The following SYCP1 variants were observed in gnomAD, a reference collection of about 807,000 sequenced individuals.
SYCP1 encodes the protein cancer/testis antigen 8.
In SYCP1, 64 loss-of-function variants were observed where a neutral mutation model predicts 153.1. That is an observed-to-expected ratio of 0.42 (90% confidence interval 0.34 to 0.51). SYCP1 has a LOEUF of 0.51. Among genes scored for constraint, SYCP1 ranks in the 20% least tolerant of loss-of-function variants. The probability of loss-of-function intolerance (pLI) is 0.06; values close to 1 mark genes in which losing one functional copy is unlikely to be tolerated. For missense variants in SYCP1, 997 were observed against 1,049.0 expected, an observed-to-expected ratio of 0.95 and a Z score of 0.68; for synonymous variants, 384 against 341.8, an observed-to-expected ratio of 1.12 and a Z score of -1.36.
At chr1:114,893,082 T>C (rs1666832203) in intron 15 of SYCP1, among the ~76,000 whole-genome samples, 1 of 152,234 alleles carries the variant, frequency 6.6e-6, no homozygotes, top group East Asian at 1.9e-4. Flanking sequence ...GTGTTCTTTC[T>C]TAGAGGATCT....
At chr1:114,937,273 T>G (rs1374251612) in intron 23 of SYCP1, among the ~76,000 whole-genome samples, 1 of 152,094 alleles carries the variant, frequency 6.6e-6, no homozygotes, top group Non-Finnish European at 1.5e-5. Flanking sequence ...TTGACAAACC[T>G]GACAAAAACA....
chr1:114,914,558 A>G (rs1189659481), intron 20 of SYCP1, among the ~76,000 whole-genome samples: 2 of 152,166 alleles, frequency 1.3e-5, no homozygotes, highest in Non-Finnish European at 2.9e-5. Context: ...GATTGCCACT[A>G]TTACCAGAAC....
intron 12 of SYCP1, 99 bp from the exon 13 acceptor site, chr1:114,885,436 A>G (rs1412138561): frequency 1.5e-6 from 1 of 659,566 alleles, no homozygotes; most frequent in Non-Finnish European, 2.6e-6. Context: ...TTGGACTATT[A>G]TCTAACGGAG....
intron 27 of SYCP1, among the ~76,000 whole-genome samples, chr1:114,948,541 T>G (rs960865291): frequency 6.6e-6 from 1 of 152,202 alleles, no homozygotes; most frequent in South Asian, 2.1e-4. Context: ...CATCCTTTTC[T>G]ATCTTGGAAA....
intron 27 of SYCP1, among the ~76,000 whole-genome samples, chr1:114,962,878 T>A (rs1429859117): frequency 6.6e-6 from 1 of 152,232 alleles, no homozygotes; most frequent in Non-Finnish European, 1.5e-5. Flanking sequence ...TGGCGAATTC[T>A]CTCAGCATTT....
chr1:114,938,574 ATAAG>A (rs1222869428), intron 23 of SYCP1, among the ~76,000 whole-genome samples: 2 of 152,216 alleles, frequency 1.3e-5, no homozygotes, highest in African/African-American at 2.4e-5. Flanking sequence ...TCAAAAATAA[ATAAG>A]TAAATACATA....
chr1:114,893,899 C>T, intron 15 of SYCP1, among the ~76,000 whole-genome samples: 1 of 151,338 alleles, frequency 6.6e-6, no homozygotes, highest in Admixed American at 6.6e-5. Flanking sequence ...CTGAGGTGGG[C>T]TTTGTGGTGA....
chr1:114,951,076 A>G lies in SYCP1; in HGVS notation c.2322+3756A>G, dbSNP rs1194059478. 1.2e-4 allele frequency among the ~76,000 whole-genome samples: 18 copies of G among 152,230 alleles called. No individual in the cohort carries two copies. In the East Asian group the frequency reaches 3.1e-3, roughly 26 times the overall value. ...CCTGACCTTGTGATCCGCCCGCCTC[A>G]GCCCCCCAAAGTGCTGGGATTACAG... On this transcript the variant is annotated intron_variant, in intron 27 of 31. Coordinates refer to ENST00000369522, the MANE Select transcript of SYCP1 (RefSeq NM_003176.4).
intron 16 of SYCP1, among the ~76,000 whole-genome samples, chr1:114,907,582 CTTTT>C (rs542034470): frequency 7.4e-6 from 1 of 134,286 alleles, no homozygotes. Flanking sequence ...AATGTTGAAA[CTTTT>C]TTTTTTTTTT....
At chr1:114,951,867 A>G (rs2101848969) in intron 27 of SYCP1, among the ~76,000 whole-genome samples, 1 of 152,288 alleles carries the variant, frequency 6.6e-6, no homozygotes, top group South Asian at 2.1e-4. Context: ...CATTTCGAGA[A>G]TGTTATCTAG....
At chr1:114,894,240 T>C (rs1666915137) in intron 15 of SYCP1, among the ~76,000 whole-genome samples, 1 of 152,092 alleles carries the variant, frequency 6.6e-6, no homozygotes, top group Non-Finnish European at 1.5e-5. Context: ...TATATTGACA[T>C]TTTATATTTT....
chr1:114,891,443 A>G (rs1027352612), intron 15 of SYCP1, among the ~76,000 whole-genome samples: 1 of 152,226 alleles, frequency 6.6e-6, no homozygotes, highest in Non-Finnish European at 1.5e-5. Flanking sequence ...GAGGCATCTC[A>G]TTGCCTAAGT....
chr1:114,914,093 A>C, intron 20 of SYCP1, 48 bp downstream of exon 20: 1 of 1,402,978 alleles, frequency 7.1e-7, no homozygotes, highest in Non-Finnish European at 9.7e-7. Flanking sequence ...AGATTTTGAT[A>C]TTTCTTTTCT....
chr1:114,921,446 A>G (rs1668868404), intron 20 of SYCP1, among the ~76,000 whole-genome samples: 1 of 151,962 alleles, frequency 6.6e-6, no homozygotes, highest in South Asian at 2.1e-4. Flanking sequence ...TGGGAGGCTG[A>G]GGGGGGCAGA....
intron 16 of SYCP1, among the ~76,000 whole-genome samples, chr1:114,908,366 G>A (rs1246772445): frequency 1.3e-5 from 2 of 152,028 alleles, no homozygotes; most frequent in Admixed American, 6.6e-5. Flanking sequence ...TTATATTTGA[G>A]ATTCACTGCA....
chr1:114,912,199 T>A (rs1362318787), intron 18 of SYCP1, among the ~76,000 whole-genome samples: 1 of 151,954 alleles, frequency 6.6e-6, no homozygotes, highest in African/African-American at 2.4e-5. Context: ...ACCTTTTCAA[T>A]AGTACTTTTT....
At chr1:114,944,598 A>G in intron 24 of SYCP1, 143 bp downstream of exon 24, 1 of 616,408 alleles carries the variant, frequency 1.6e-6, no homozygotes, top group Non-Finnish European at 2.8e-6. Flanking sequence ...GGGTCAGTTT[A>G]TCAGTTTTTA....
intron 15 of SYCP1, among the ~76,000 whole-genome samples, chr1:114,894,208 G>T (rs558459691): frequency 1.2e-4 from 18 of 151,804 alleles, no homozygotes; most frequent in South Asian, 6.2e-4. Context: ...CTATGTATAC[G>T]CCAGGTTTTT....
At chr1:114,880,970 A>G (rs1187671042) in intron 12 of SYCP1, among the ~76,000 whole-genome samples, 1 of 151,956 alleles carries the variant, frequency 6.6e-6, no homozygotes, top group Admixed American at 6.6e-5. Context: ...AAGAGTATTA[A>G]TTATCAAAAA....
Sources: gnomAD v4.1 joint callset for allele counts (sites outside exome capture counted in the v4.1 genomes callset) on GRCh38, gnomAD v4.1.1 for gene constraint, MANE v1.5 for transcripts, NCBI Gene and HGNC (gene_info 2026-07-23, HGNC 2026-07-21) for gene names.